MEP1A: variants seen among roughly 807,000 people sequenced by gnomAD.
MEP1A encodes N-benzoyl-L-tyrosyl-P-amino-benzoic acid hydrolase subunit alpha.
MEP1A carries 68 observed loss-of-function variants against 84.5 expected under a neutral mutation model. The ratio of observed to expected loss-of-function variants is 0.80; its 90% CI spans 0.66 to 0.98. The LOEUF is 0.98. Ranked by LOEUF, MEP1A falls within the 50% of genes least tolerant of loss-of-function variation. The probability of loss-of-function intolerance (pLI) is 0.00; values close to 1 mark genes in which losing one functional copy is unlikely to be tolerated. For synonymous variants in MEP1A, 337 were observed against 336.8 expected (o/e 1.00, Z -0.01); for missense variants, 887 against 919.9 (o/e 0.96, Z 0.46).
rs1768115700 is a variant in MEP1A, at chr6:46,833,188, A to G, written c.1259A>G (p.Tyr420Cys). ...CCTCAGAACTCAACTGGGGGAATTT[A>G]CCTAGATGACATCACTCTGACAGAA... Reference protein sequence around the residue: ...GDPQNSTGGIYLDDITLTETP... With the variant: ...GDPQNSTGGICLDDITLTETP... The change falls in exon 11 of 14, where the codon TAC (tyrosine) becomes TGC (cysteine). Residue 420 changes from tyrosine to cysteine, a missense_variant. Physicochemically the swap from Tyr to Cys is radical, Grantham distance 194 (BLOSUM62 -2). Transcript: ENST00000230588. The G allele has an allele frequency of 3.1e-6, 5 of 1,610,676 alleles. No individual in the cohort carries two copies. The highest frequency in any genetic ancestry group is 4.2e-6 in the Non-Finnish European group (5 of 1,178,622).
chr6:46,828,177 C>T (rs1453418184), intron 9 of MEP1A, among the ~76,000 whole-genome samples: 7 of 151,768 alleles, frequency 4.6e-5, no homozygotes, highest in African/African-American at 1.7e-4. Flanking sequence ...CTTCATAATA[C>T]ACCTGGGCAA....
In MEP1A at chr6:46,825,544, C is replaced by A. The variant is rs1156388282; in HGVS notation, c.778+51C>A. 6 of 1,239,806 alleles carry A rather than the reference C, an allele frequency of 4.8e-6. No homozygotes were observed. In the African/African-American group the frequency reaches 9.0e-5, roughly 19 times the overall value. The allele number at this position is 1,239,806 out of a possible 1,614,324, so 76.8% of individuals were successfully genotyped here. On this transcript the variant is annotated intron_variant, in intron 8 of 13. Transcript: ENST00000230588. ...TGGTAAACTAGCCTCAGCAGAGATT[C>A]CATCAGCCTTAGAGATTTCCTTTAC...
At chr6:46,807,837 A>AAG (rs1205331239) in intron 5 of MEP1A, among the ~76,000 whole-genome samples, 1 of 109,322 alleles carries the variant, frequency 9.1e-6, no homozygotes, top group Admixed American at 9.5e-5. Flanking sequence ...GAAAGAAAGA[A>AAG]AGGAAGAAAG....
intron 10 of MEP1A, among the ~76,000 whole-genome samples, chr6:46,832,843 G>A (rs1768106159): frequency 6.6e-6 from 1 of 152,156 alleles, no homozygotes; most frequent in Non-Finnish European, 1.5e-5. Context: ...GTTAAGATTT[G>A]AATGTGAATT....
chr6:46,829,259 G>A (rs1441855867), intron 9 of MEP1A, 97 bp from the exon 10 acceptor site: 4 of 958,308 alleles, frequency 4.2e-6, no homozygotes, highest in South Asian at 1.4e-5. Context: ...TTGTTGCCTG[G>A]ACAATGGCTG....
intron 5 of MEP1A, among the ~76,000 whole-genome samples, chr6:46,801,826 A>T (rs1452547394): frequency 6.6e-6 from 1 of 152,068 alleles, no homozygotes; most frequent in Non-Finnish European, 1.5e-5. Flanking sequence ...TTATTAGCCC[A>T]GTTGTTCCAG....
chr6:46,794,202 C>T (rs1766999308), intron 3 of MEP1A, among the ~76,000 whole-genome samples: 1 of 152,152 alleles, frequency 6.6e-6, no homozygotes, highest in African/African-American at 2.4e-5. Context: ...TGAAGAAATT[C>T]ATCAGTCTCA....
At chr6:46,807,816 AAAGAAAGAAAGAAAGAAAGAAAGG>A (rs1236740176) in intron 5 of MEP1A, among the ~76,000 whole-genome samples, 12 of 150,416 alleles carry the variant, frequency 8.0e-5, no homozygotes, top group Non-Finnish European at 1.5e-4. Flanking sequence ...AGAAAGAAAG[AAAGAAAGAAAGAAAGAAAGAAAGG>A]AAGAAAGGAA....
rs754337839 is a variant in MEP1A, at chr6:46,829,955, G to A, written c.1144+384G>A. 2.6e-5 allele frequency among the ~76,000 whole-genome samples: 4 copies of A among 152,158 alleles called. No individual in the cohort carries two copies. The South Asian group carries it at 8.3e-4, about 32-fold the overall frequency. On this transcript the variant is annotated intron_variant, in intron 10 of 13. Transcript: ENST00000230588. ...CTGTGCGAATTGATGCTGCGGGAGA[G>A]AGAGTAGTTAAATAGTTGACCAGCT...
At chr6:46,841,580 C>A (rs548534308), downstream of MEP1A, among the ~76,000 whole-genome samples, 79 of 152,284 alleles carry the variant, frequency 5.2e-4, no homozygotes, top group African/African-American at 1.8e-3. Flanking sequence ...GTGGGAAATC[C>A]TCCCTGAATC....
chr6:46,829,560 A>G lies in MEP1A; in HGVS notation c.1133A>G (p.Gln378Arg). 6.2e-7 allele frequency: 1 copy of G among 1,613,754 alleles called. No homozygotes were observed. Among genetic ancestry groups the G allele is most frequent in the Non-Finnish European group, 8.5e-7 (1 of 1,179,636 alleles). The change falls in exon 10 of 14, where the codon CAG (glutamine) becomes CGG (arginine). Residue 378 changes from glutamine (Q) to arginine (R), a missense_variant. By Grantham distance (43) the Gln-to-Arg change is conservative. Coordinates refer to ENST00000230588, the MANE Select transcript of MEP1A (RefSeq NM_005588.3). The stretch of plus-strand genomic sequence containing the variant: ...AATGTTCGCAAGTTGGTGAAGGTGC[A>G]GACTTTTCAAGGTACTTAGAGGCAT... ...TGNVRKLVKV[Q>R]TFQGDDDHNW...
chr6:46,825,223 G>A, intron 7 of MEP1A, 49 bp from the exon 8 acceptor site: 1 of 1,272,466 alleles, frequency 7.9e-7, no homozygotes, highest in Non-Finnish European at 1.1e-6. Flanking sequence ...AGAGTAGCAT[G>A]GGGAAAATAA....
intron 6 of MEP1A, among the ~76,000 whole-genome samples, chr6:46,815,358 C>A (rs1271264063): frequency 6.6e-6 from 1 of 152,156 alleles, no homozygotes; most frequent in Non-Finnish European, 1.5e-5. Flanking sequence ...TACAGGTTGC[C>A]AAGGAAGTGG....
At chr6:46,822,936 A>G (rs559721525) in intron 7 of MEP1A, among the ~76,000 whole-genome samples, 79 of 152,254 alleles carry the variant, frequency 5.2e-4, no homozygotes, top group Middle Eastern at 3.4e-3. Flanking sequence ...TTACCAAGAG[A>G]TTGTAGACTC....
chr6:46,834,866 G>A (rs1329569525), intron 12 of MEP1A, 115 bp downstream of exon 12: 7 of 739,072 alleles, frequency 9.5e-6, no homozygotes, highest in Non-Finnish European at 1.5e-5. Flanking sequence ...ACAATGTGTT[G>A]TAGGAGAATC....
chr6:46,804,380 A>G (rs1248266758), intron 5 of MEP1A, among the ~76,000 whole-genome samples: 4 of 151,786 alleles, frequency 2.6e-5, no homozygotes, highest in Admixed American at 2.6e-4. Flanking sequence ...GATTATAAAA[A>G]CTTTTAAATA....
At position 46,807,017 on chromosome 6, in the gene MEP1A, A is replaced by T. The variant is rs1345573294; in HGVS notation, c.263-2403A>T. 4.6e-5 allele frequency among the ~76,000 whole-genome samples: 7 copies of T among 152,050 alleles called. 1 individual carries two copies. In the South Asian group the frequency reaches 1.2e-3, roughly 27 times the overall value. Reference sequence around the variant, plus strand: ...TTATTTTTTCAAGTTTACAACTGTTATCTGTGGGAGGATTAATTAGATTCA... The same window carrying T: ...TTATTTTTTCAAGTTTACAACTGTTTTCTGTGGGAGGATTAATTAGATTCA... On this transcript the variant is annotated intron_variant, in intron 5 of 13. Transcript: ENST00000230588.
the MEP1A span, among the ~76,000 whole-genome samples, chr6:46,845,183 A>T: frequency 4.6e-5 from 7 of 152,186 alleles, no homozygotes; most frequent in Admixed American, 4.6e-4. Context: ...ACGTAGTGTG[A>T]TCAAATTCAG....
At chr6:46,801,247 G>A (rs867584205) in intron 5 of MEP1A, among the ~76,000 whole-genome samples, 10 of 152,236 alleles carry the variant, frequency 6.6e-5, no homozygotes, top group South Asian at 2.1e-4. Context: ...GAAAATATAT[G>A]AGTGTTTCAT....
Sources: allele counts gnomAD v4.1 joint callset (sites outside exome capture counted in the v4.1 genomes callset), GRCh38; gene constraint gnomAD v4.1.1; transcripts MANE v1.5; gene names NCBI Gene and HGNC (gene_info 2026-07-23, HGNC 2026-07-21).